The following CCDC150 variants were observed in gnomAD, a reference collection of about 807,000 sequenced individuals.
The protein encoded by CCDC150 is coiled-coil domain-containing protein 150.
CCDC150 carries 151 observed loss-of-function variants against 156.5 expected under a neutral mutation model. The observed-to-expected ratio is 0.97, with a 90% confidence interval of 0.85 to 1.10. CCDC150 has a LOEUF of 1.10. Among genes scored for constraint, CCDC150 ranks in the 50% least tolerant of loss-of-function variants. The probability of loss-of-function intolerance (pLI) is 0.00; values close to 1 mark genes in which losing one functional copy is unlikely to be tolerated. For synonymous variants in CCDC150, 452 were observed against 429.4 expected (o/e 1.05, Z -0.65); for missense variants, 1,312 against 1,268.1 (o/e 1.03, Z -0.53).
At chr2:196,672,199 A>G in intron 8 of CCDC150, 146 bp from the exon 9 acceptor site, 1 of 416,060 alleles carries the variant, frequency 2.4e-6, no homozygotes, top group Non-Finnish European at 4.4e-6. Flanking sequence ...AGATTTTTAT[A>G]CATTCTTTAT....
rs1248340811 is a variant in CCDC150, at chr2:196,695,080, C to T, written c.1544C>T (p.Thr515Ile). Residue 515 changes from threonine (T) to isoleucine (I), a missense_variant, in exon 14 of 28, where the codon ACT (threonine) becomes ATT (isoleucine). Physicochemically the swap from Thr to Ile is moderately conservative, Grantham distance 89 (BLOSUM62 -1). Transcript: ENST00000389175. ...DINTLTHNLQ[T>I]LEEENKHLAD... ...AATACATTAACTCATAACCTGCAGA[C>T]TCTTGAAGAAGAGAATAAGCACCTG... 6 of 1,611,154 alleles carry T rather than the reference C, an allele frequency of 3.7e-6. No homozygotes were observed. In the Admixed American group the frequency reaches 5.0e-5, roughly 13 times the overall value.
chr2:196,689,060 T>A (rs950278898), intron 13 of CCDC150, among the ~76,000 whole-genome samples: 5 of 152,168 alleles, frequency 3.3e-5, no homozygotes, highest in African/African-American at 9.7e-5. Context: ...GTTGTAGATA[T>A]GCGGCGTTAT....
At chr2:196,663,717 CA>C (rs1430552458) in intron 5 of CCDC150, among the ~76,000 whole-genome samples, 1 of 151,864 alleles carries the variant, frequency 6.6e-6, no homozygotes, top group African/African-American at 2.4e-5. Flanking sequence ...AGTCATATCC[CA>C]ACACATTTTT....
At chr2:196,708,424 G>A (rs1696840142) in intron 15 of CCDC150, among the ~76,000 whole-genome samples, 2 of 152,156 alleles carry the variant, frequency 1.3e-5, no homozygotes, top group Non-Finnish European at 2.9e-5. Context: ...TGGGTCTCCT[G>A]AATACAGCAC....
chr2:196,675,610 T>C (rs1485285390), intron 10 of CCDC150, among the ~76,000 whole-genome samples: 1 of 89,998 alleles, frequency 1.1e-5, no homozygotes, highest in Non-Finnish European at 2.6e-5. Flanking sequence ...ATAAACTATG[T>C]AAAACAGTTA....
chr2:196,713,708 C>A, intron 17 of CCDC150: 1 of 1,381,258 alleles, frequency 7.2e-7, no homozygotes, highest in Non-Finnish European at 9.4e-7. Flanking sequence ...CAAATTAAAT[C>A]TTAAGGAAGT....
chr2:196,655,410 A>T (rs540764834), intron 2 of CCDC150, among the ~76,000 whole-genome samples: 1 of 152,312 alleles, frequency 6.6e-6, no homozygotes, highest in East Asian at 1.9e-4. Flanking sequence ...AACTACTTTT[A>T]GGAAGCTTCT....
chr2:196,690,460 A>G (rs977831709), intron 13 of CCDC150, among the ~76,000 whole-genome samples: 1 of 152,200 alleles, frequency 6.6e-6, no homozygotes, highest in African/African-American at 2.4e-5. Context: ...TCATATATGT[A>G]ATTTAAAATA....
intron 2 of CCDC150, among the ~76,000 whole-genome samples, chr2:196,648,986 C>T (rs1692713321): frequency 6.6e-6 from 1 of 152,156 alleles, no homozygotes; most frequent in Admixed American, 6.5e-5. Flanking sequence ...TATTCTATTT[C>T]ATTGGACAAT....
chr2:196,712,015 ATTTTT>A, intron 15 of CCDC150, 125 bp from the exon 16 acceptor site: 17 of 268,876 alleles, frequency 6.3e-5, no homozygotes, highest in Non-Finnish European at 8.1e-5. Flanking sequence ...ATTCTCTGTA[ATTTTT>A]TTTTTTTTTT....
rs1698547463 is a variant in CCDC150 at position 196,732,058 on chromosome 2, A to G, written c.3095A>G (p.His1032Arg). 2 of 1,613,588 alleles carry G rather than the reference A, an allele frequency of 1.2e-6. No homozygotes were observed. Among genetic ancestry groups the G allele is most frequent in the Non-Finnish European group, 1.7e-6 (2 of 1,179,562 alleles). Reference protein sequence around the residue: ...EQITANLEEAHRWFKHRFDGL... With the variant: ...EQITANLEEARRWFKHRFDGL... Reference sequence around the variant, plus strand: ...ATAACAGCTAATCTGGAAGAAGCTCATCGCTGGTTTAAGCACAGGTTTGAT... The same window carrying G: ...ATAACAGCTAATCTGGAAGAAGCTCGTCGCTGGTTTAAGCACAGGTTTGAT... The change falls in exon 27 of 28, where the codon CAT (histidine) becomes CGT (arginine). Residue 1032 changes from histidine to arginine, a missense_variant. Coordinates refer to ENST00000389175, the MANE Select transcript of CCDC150 (RefSeq NM_001080539.2).
At chr2:196,709,990 C>T (rs1389449263) in intron 15 of CCDC150, among the ~76,000 whole-genome samples, 1 of 152,248 alleles carries the variant, frequency 6.6e-6, no homozygotes, top group Non-Finnish European at 1.5e-5. Context: ...AGGAGGCAGT[C>T]TGTCTGTTCT....
At chr2:196,694,511 G>A (rs1002650849) in intron 13 of CCDC150, among the ~76,000 whole-genome samples, 1 of 152,078 alleles carries the variant, frequency 6.6e-6, no homozygotes, top group Non-Finnish European at 1.5e-5. Context: ...AGAGAAAAAG[G>A]GTTCTTTTTA....
intron 1 of CCDC150, among the ~76,000 whole-genome samples, 152 bp downstream of exon 1, chr2:196,639,930 G>A (rs1692111516): frequency 6.6e-6 from 1 of 152,180 alleles, no homozygotes; most frequent in Admixed American, 6.5e-5. Flanking sequence ...GATTTAAGGC[G>A]CTTTGGCGTT....
At chr2:196,714,853 G>T (rs766538806) in intron 17 of CCDC150, among the ~76,000 whole-genome samples, 149 of 152,198 alleles carry the variant, frequency 9.8e-4, no homozygotes, top group African/African-American at 4.3e-4. Flanking sequence ...TTTTTAAAAT[G>T]ATATTCTTGT....
intron 2 of CCDC150, among the ~76,000 whole-genome samples, chr2:196,649,543 G>A (rs1462640954): frequency 6.6e-6 from 1 of 152,164 alleles, no homozygotes; most frequent in Non-Finnish European, 1.5e-5. Flanking sequence ...TACGGAGAGG[G>A]CTATACCATC....
At chr2:196,664,944 T>C (rs551745443) in intron 5 of CCDC150, among the ~76,000 whole-genome samples, 1 of 152,350 alleles carries the variant, frequency 6.6e-6, no homozygotes, top group South Asian at 2.1e-4. Flanking sequence ...GGTCTGCTAC[T>C]TAATGGTTAC....
At chr2:196,722,189 C>A (rs1047642905) in intron 21 of CCDC150, among the ~76,000 whole-genome samples, 1 of 152,156 alleles carries the variant, frequency 6.6e-6, no homozygotes, top group African/African-American at 2.4e-5. Flanking sequence ...TTAAATTATA[C>A]CTCGGTAAAT....
intron 27 of CCDC150, 145 bp from the exon 28 acceptor site, chr2:196,732,301 T>G: frequency 3.4e-6 from 4 of 1,165,586 alleles, no homozygotes; most frequent in Non-Finnish European, 4.9e-6. Flanking sequence ...AATTTCTTTT[T>G]TTTACAAAGT....
Sources: allele counts gnomAD v4.1 joint callset (sites outside exome capture counted in the v4.1 genomes callset), GRCh38; gene constraint gnomAD v4.1.1; transcripts MANE v1.5; gene names NCBI Gene and HGNC (gene_info 2026-07-23, HGNC 2026-07-21).